Variants in RIMS2 observed in about 807,000 individuals in gnomAD.
RIMS2 encodes regulating synaptic membrane exocytosis 2.
RIMS2 carries 59 observed loss-of-function variants against 174.4 expected under a neutral mutation model. The observed-to-expected ratio is 0.34, with a 90% CI of 0.27 to 0.42. The LOEUF is 0.42. Among genes scored for constraint, RIMS2 ranks in the 10% least tolerant of loss-of-function variants. RIMS2 has a pLI of 1.00. For missense variants in RIMS2, 1,620 were observed against 1,666.3 expected (o/e 0.97, Z 0.48); for synonymous variants, 606 against 572.5 (o/e 1.06, Z -0.84).
At chr8:103,579,333 T>A (rs1588163995) in intron 1 of RIMS2, among the ~76,000 whole-genome samples, 1 of 151,638 alleles carries the variant, frequency 6.6e-6, no homozygotes, top group African/African-American at 2.4e-5. Context: ...AGTTATTCAA[T>A]CTGAAAGGAA....
At chr8:103,936,663 G>A in exon 13 of RIMS2, 1 of 1,611,734 alleles carries the variant, frequency 6.2e-7, no homozygotes, top group Non-Finnish European at 8.5e-7. Flanking sequence ...ACGAATGCTA[G>A]AGATTACCCT....
chr8:104,020,527 T>G (rs750549117), intron 19 of RIMS2, among the ~76,000 whole-genome samples: 3 of 152,032 alleles, frequency 2.0e-5, no homozygotes, highest in Admixed American at 6.6e-5. Flanking sequence ...TTACCTTTAA[T>G]GATTCTGATG....
intron 19 of RIMS2, among the ~76,000 whole-genome samples, chr8:104,070,942 A>G (rs1331861746): frequency 2.0e-5 from 3 of 152,154 alleles, no homozygotes; most frequent in Admixed American, 6.5e-5. Context: ...ACAAGCAGCA[A>G]GTAAGTGTAA....
rs74567455 is a variant in RIMS2 at position 104,193,363 on chromosome 8, C to T, written c.3335-51553C>T. On this transcript the variant is annotated intron_variant, in intron 19 of 23. Transcript: ENST00000504942. ...ACTGCATTTTTCCTCACTGTTCTTCCAATGCTGGATGTCCAGATATGCTCC... is the reference window on the plus strand; with the variant it reads ...ACTGCATTTTTCCTCACTGTTCTTCTAATGCTGGATGTCCAGATATGCTCC... Among the ~76,000 whole-genome samples, 297 of 152,194 alleles carry T rather than the reference C, an allele frequency of 2.0e-3. 5 individuals carry two copies. The East Asian group carries it at 0.051, about 26-fold the overall frequency.
intron 14 of RIMS2, among the ~76,000 whole-genome samples, chr8:103,955,096 G>C (rs2086720333): frequency 6.6e-6 from 1 of 152,084 alleles, no homozygotes; most frequent in Non-Finnish European, 1.5e-5. Flanking sequence ...CTGAAATTGA[G>C]GCAGCAATTA....
At chr8:104,040,556 G>A (rs780792767) in intron 19 of RIMS2, among the ~76,000 whole-genome samples, 14 of 151,546 alleles carry the variant, frequency 9.2e-5, no homozygotes, top group Middle Eastern at 3.2e-3. Context: ...ACATTTTAGC[G>A]TAAATTTTAA....
intron 19 of RIMS2, among the ~76,000 whole-genome samples, chr8:104,044,166 T>C (rs556778385): frequency 6.6e-6 from 1 of 151,746 alleles, no homozygotes; most frequent in African/African-American, 2.4e-5. Flanking sequence ...CTGAGGGATA[T>C]ATTGTATTTA....
intron 6 of RIMS2, among the ~76,000 whole-genome samples, chr8:103,913,147 T>TTTG (rs1554969451): frequency 0.039 from 5,839 of 150,738 alleles, 265 homozygotes; most frequent in African/African-American, 0.11. Context: ...TATTTTTTTT[T>TTTG]TTTTGTATTT....
At chr8:104,164,733 T>C (rs747501249) in intron 19 of RIMS2, among the ~76,000 whole-genome samples, 30 of 152,258 alleles carry the variant, frequency 2.0e-4, no homozygotes, top group Admixed American at 6.5e-4. Context: ...TTCTTACTTA[T>C]AAGTGGAAGG....
chr8:103,845,815 G>A (rs961722951), intron 3 of RIMS2, among the ~76,000 whole-genome samples: 10 of 152,002 alleles, frequency 6.6e-5, no homozygotes, highest in African/African-American at 2.4e-4. Context: ...AAGATCAAAG[G>A]CAGCTATTTA....
chr8:103,946,037 G>A (rs929105724), intron 14 of RIMS2, among the ~76,000 whole-genome samples: 1 of 152,154 alleles, frequency 6.6e-6, no homozygotes, highest in African/African-American at 2.4e-5. Flanking sequence ...GGAGAAGAGA[G>A]AGAAACTGCC....
chr8:103,553,315 A>G (rs1003462280), intron 1 of RIMS2, among the ~76,000 whole-genome samples: 2 of 152,184 alleles, frequency 1.3e-5, no homozygotes, highest in Non-Finnish European at 2.9e-5. Flanking sequence ...ATGAAGCTGG[A>G]AACCATCATT....
At chr8:103,653,313 T>C (rs1326591066) in intron 1 of RIMS2, among the ~76,000 whole-genome samples, 6 of 152,220 alleles carry the variant, frequency 3.9e-5, no homozygotes, top group Non-Finnish European at 5.9e-5. Flanking sequence ...ATTTTTTTGT[T>C]ATTAGATTTA....
intron 19 of RIMS2, among the ~76,000 whole-genome samples, chr8:104,055,121 T>C (rs2096847656): frequency 6.6e-6 from 1 of 152,116 alleles, no homozygotes; most frequent in South Asian, 2.1e-4. Flanking sequence ...TAGGATTCTA[T>C]TGTGAATTTT....
At chr8:103,987,791 C>T (rs2094458235) in intron 16 of RIMS2, among the ~76,000 whole-genome samples, 1 of 152,108 alleles carries the variant, frequency 6.6e-6, no homozygotes, top group Admixed American at 6.5e-5. Context: ...CATAGATCAA[C>T]TTATGAGTAA....
intron 2 of RIMS2, among the ~76,000 whole-genome samples, chr8:103,727,056 T>C (rs2097535474): frequency 1.3e-5 from 2 of 151,808 alleles, no homozygotes. Flanking sequence ...TATTTCTTAA[T>C]AATTTTAAAA....
At position 104,082,759 on chromosome 8, in the gene RIMS2, A is replaced by G. The variant is rs149583068; in HGVS notation, c.3334+68144A>G. Reference sequence around the variant, plus strand: ...CTGTATCTTATATGTTAACATCTATATATCTATATTCTTTTAATATTTTAA... The same window carrying G: ...CTGTATCTTATATGTTAACATCTATGTATCTATATTCTTTTAATATTTTAA... On this transcript the variant is annotated intron_variant, in intron 19 of 23. Coordinates refer to ENST00000504942, the Ensembl canonical transcript of RIMS2. Among the ~76,000 whole-genome samples, 30 of 151,948 alleles carry G rather than the reference A, an allele frequency of 2.0e-4. No homozygotes were observed. The East Asian group carries it at 5.4e-3, about 27-fold the overall frequency.
intron 19 of RIMS2, among the ~76,000 whole-genome samples, chr8:104,241,370 A>T (rs997538474): frequency 9.9e-5 from 15 of 152,152 alleles, no homozygotes; most frequent in African/African-American, 3.6e-4. Flanking sequence ...TATGAAGGGG[A>T]TACATGTAAG....
intron 3 of RIMS2, among the ~76,000 whole-genome samples, chr8:103,792,618 T>C (rs2098510087): frequency 1.5e-5 from 2 of 133,786 alleles, no homozygotes; most frequent in Non-Finnish European, 3.2e-5. Flanking sequence ...CTTCAAAAAA[T>C]CAGTGAATCC....
Sources: allele counts gnomAD v4.1 joint callset (sites outside exome capture counted in the v4.1 genomes callset), GRCh38; gene constraint gnomAD v4.1.1; transcripts MANE v1.5; gene names NCBI Gene and HGNC (gene_info 2026-07-23, HGNC 2026-07-21).